The following ARHGAP30 variants were observed in gnomAD, a reference collection of about 807,000 sequenced individuals.
ARHGAP30 encodes rho GTPase-activating protein 30.
In ARHGAP30, 23 loss-of-function variants were observed where a neutral mutation model predicts 72.0. The ratio of observed to expected loss-of-function variants is 0.32; its 90% CI spans 0.23 to 0.45. The LOEUF (loss-of-function observed/expected upper bound fraction) is 0.45. Ranked by LOEUF, ARHGAP30 falls within the 20% of genes least tolerant of loss-of-function variation. The pLI, the probability that ARHGAP30 is intolerant of heterozygous loss-of-function variation, is 1.00. For synonymous variants in ARHGAP30, 576 were observed against 528.2 expected (o/e 1.09, Z -1.24); for missense variants, 1,319 against 1,383.4 (o/e 0.95, Z 0.74).
At position 161,049,606 on chromosome 1, in the gene ARHGAP30, G is replaced by T. The variant is rs753983424; in HGVS notation, c.1504C>A (p.Leu502Met). 4 of 1,614,092 alleles carry T rather than the reference G, an allele frequency of 2.5e-6. No individual in the cohort carries two copies. In the Admixed American group the frequency reaches 6.7e-5, roughly 27 times the overall value. Residue 502 changes from leucine (L) to methionine (M), a missense_variant, in exon 11 of 12, where the codon CTG becomes ATG. Leu to Met is a conservative substitution (Grantham distance 15). Transcript: ENST00000368013. ...AAGGAGTCCTGCACCTCCTGGGACA[G>T]CGAGTCCTCCAGGGCAGGAGCCAAG... ...DDLAPALEDSLSQEVQDSFSF... is the reference protein window; with the variant it reads ...DDLAPALEDSMSQEVQDSFSF...
intron 1 of ARHGAP30, among the ~76,000 whole-genome samples, chr1:161,060,741 G>T (rs1321666214): frequency 1.7e-5 from 2 of 116,766 alleles, no homozygotes; most frequent in Non-Finnish European, 1.7e-5. Context: ...TCACTCTGTT[G>T]CCCAGGCTGG....
At position 161,048,434 on chromosome 1, in the gene ARHGAP30, C is replaced by T. The variant is rs143251755; in HGVS notation, c.2587G>A (p.Glu863Lys). The change falls in exon 12 of 12, where the codon GAA becomes AAA. Residue 863 changes from glutamate (E) to lysine (K), a missense_variant. Physicochemically the swap from Glu to Lys is moderately conservative, Grantham distance 56. Transcript: ENST00000368013. ...GYYLEEDTLS[E>K]GSGVASLEVD... is the part of the protein sequence containing the mutation. The stretch of plus-strand genomic sequence containing the variant: ...TCCAGGGACGCTACACCTGAACCTT[C>T]AGAGAGGGTGTCCTCTTCTAAATAG... The T allele has an allele frequency of 4.4e-4, 703 of 1,614,158 alleles. No homozygotes were observed. Among genetic ancestry groups the T allele is most frequent in the Non-Finnish European group, 5.4e-4 (636 of 1,180,028 alleles).
chr1:161,053,022 A>G, intron 6 of ARHGAP30: 3 of 839,922 alleles, frequency 3.6e-6, no homozygotes, highest in Non-Finnish European at 5.4e-6. Context: ...GATATGAGCC[A>G]TCACTAGCCT....
intron 5 of ARHGAP30, 77 bp downstream of exon 5, chr1:161,054,289 A>G (rs957387471): frequency 1.3e-5 from 17 of 1,332,172 alleles, no homozygotes; most frequent in Non-Finnish European, 1.8e-5. Context: ...CCACACAGTC[A>G]CACCTCATCC....
chr1:161,066,682 G>A (rs4617422), intron 1 of ARHGAP30, among the ~76,000 whole-genome samples: 33,182 of 143,268 alleles, frequency 0.23, 5,765 homozygotes, highest in African/African-American at 0.49. Flanking sequence ...AGGCACCTAG[G>A]GCAATTGTAC....
intron 10 of ARHGAP30, among the ~76,000 whole-genome samples, chr1:161,050,609 T>C (rs1016223493): frequency 2.6e-5 from 4 of 151,332 alleles, no homozygotes. Flanking sequence ...GTGCCTGGCC[T>C]AGCACTTGGT....
intron 1 of ARHGAP30, among the ~76,000 whole-genome samples, chr1:161,067,291 G>A (rs780382168): frequency 3.2e-4 from 49 of 152,106 alleles, no homozygotes; most frequent in Non-Finnish European, 5.6e-4. Flanking sequence ...CTGAACAATC[G>A]GCCAGGTGCG....
At chr1:161,052,180 A>C in intron 9 of ARHGAP30, 106 bp downstream of exon 9, 1 of 1,262,884 alleles carries the variant, frequency 7.9e-7, no homozygotes, top group South Asian at 1.2e-5. Flanking sequence ...GGCACTCATT[A>C]AATATTTTTT....
At chr1:161,065,868 C>CTTATTTATTTATTTAT (rs376275626) in intron 1 of ARHGAP30, among the ~76,000 whole-genome samples, 13 of 133,250 alleles carry the variant, frequency 9.8e-5, no homozygotes, top group South Asian at 2.5e-4. Context: ...CACCCGGCCC[C>CTTATTTATTTATTTAT]TTATTTATTT....
intron 2 of ARHGAP30, 34 bp from the exon 3 acceptor site, chr1:161,056,566 G>T (rs1225161912): frequency 1.3e-6 from 2 of 1,599,294 alleles, no homozygotes; most frequent in South Asian, 2.2e-5. Flanking sequence ...GAGTGGTAGG[G>T]GTTGGGGTGA....
rs762660694 is a variant in ARHGAP30, at chr1:161,048,466, C to T, written c.2555G>A (p.Gly852Glu). 1.2e-6 allele frequency: 2 copies of T among 1,614,180 alleles called. No individual in the cohort carries two copies. The highest frequency in any genetic ancestry group is 2.2e-5 in the East Asian group (1 of 44,882). ...DGEAEGDQRA[G>E]GYYLEEDTLS... ...GGTGTCCTCTTCTAAATAGTACCCT[C>T]CAGCCCTCTGGTCTCCCTCAGCCTC... The change falls in exon 12 of 12, where the codon GGA becomes GAA. Residue 852 changes from glycine to glutamate, a missense_variant. By Grantham distance (98) the Gly-to-Glu change is moderately conservative. Around this residue, in one of 2 missense-constraint regions of ARHGAP30, gnomAD observed 1,097 missense variants for 1,045.2 expected, o/e 1.05. Transcript: ENST00000368013.
Position 161,047,594 on chromosome 1 carries a change from G to A in ARHGAP30, c.*121C>T, listed in dbSNP as rs1650945710. The A allele has an allele frequency of 9.1e-7, 1 of 1,100,810 alleles. No homozygotes were observed. Among genetic ancestry groups the A allele is most frequent in the Admixed American group, 3.0e-5 (1 of 33,376 alleles). 68.2% of individuals were successfully genotyped at this position (1,100,810 alleles called of 1,614,324 possible). A position where few individuals can be genotyped will look rare whatever the true frequency, so the allele number is the denominator to read the frequency against. On this transcript the variant is annotated 3_prime_UTR_variant, in exon 12 of 12. Transcript: ENST00000368013. ...CCCACAGTCAAAGAGAGAAGCTGGA[G>A]GGCCAAAGCCTATAGAGTTGGGCAC...
chr1:161,051,859 T>G (rs1316951021), intron 9 of ARHGAP30, 144 bp from the exon 10 acceptor site: 2 of 1,420,194 alleles, frequency 1.4e-6, no homozygotes, highest in African/African-American at 2.9e-5. Flanking sequence ...CAGCTTCTTT[T>G]GATCACTACT....
At chr1:161,065,532 CTTTTTCT>C (rs1222557127) in intron 1 of ARHGAP30, among the ~76,000 whole-genome samples, 3 of 151,848 alleles carry the variant, frequency 2.0e-5, no homozygotes, top group South Asian at 4.2e-4. Flanking sequence ...CCAATCTTTC[CTTTTTCT>C]TTTTTCTTTT....
rs555463666 is a variant in ARHGAP30, at chr1:161,059,548, T to A, written c.200+66A>T. The A allele has an allele frequency of 6.4e-6, 9 of 1,401,418 alleles. No homozygotes were observed. The African/African-American group carries it at 1.1e-4, about 18-fold the overall frequency. The allele number at this position is 1,401,418 out of a possible 1,614,324, so 86.8% of individuals were successfully genotyped here. On this transcript the variant is annotated intron_variant, in intron 2 of 11. Transcript: ENST00000368013. ...CCCCATCTCTGCTGTCCTCAGCAACTCTTACTGTGACCTTCTGGCTCCCTG... is the reference window on the plus strand; with the variant it reads ...CCCCATCTCTGCTGTCCTCAGCAACACTTACTGTGACCTTCTGGCTCCCTG...
chr1:161,057,480 A>C (rs1329472707), intron 2 of ARHGAP30, among the ~76,000 whole-genome samples: 1 of 152,204 alleles, frequency 6.6e-6, no homozygotes, highest in Non-Finnish European at 1.5e-5. Context: ...TATTACAGAA[A>C]TGCAAATATA....
In ARHGAP30 at chr1:161,052,423, C is replaced by G. The variant is rs200908550; in HGVS notation, c.940+17G>C. The G allele has an allele frequency of 1.4e-5, 23 of 1,613,926 alleles. No homozygotes were observed. In the African/African-American group the frequency reaches 2.4e-4, roughly 17 times the overall value. ...TGTGCACCCTCAGCAGAGCTCCCCC[C>G]ATCTCCCCAGACTTACCCCTGTCCT... is the stretch of plus-strand genomic sequence containing the variant. On this transcript the variant is annotated intron_variant, in intron 8 of 11. Transcript: ENST00000368013.
At chr1:161,058,896 G>C (rs180760976) in intron 2 of ARHGAP30, among the ~76,000 whole-genome samples, 156 of 150,582 alleles carry the variant, frequency 1.0e-3, no homozygotes, top group Non-Finnish European at 1.7e-3. Flanking sequence ...CCTGGAATTA[G>C]ATAGTGATGA....
chr1:161,047,197 T>A lies in ARHGAP30; in HGVS notation c.*518A>T, dbSNP rs1650905078. On this transcript the variant is annotated 3_prime_UTR_variant, in exon 12 of 12. Transcript: ENST00000368013. ...AGTCCCTCCAACAAATATTGAGGGC[T>A]TCAAAGAGCTCTTCCTGGACGTTTC... is the stretch of plus-strand genomic sequence containing the variant. The A allele has an allele frequency of 3.9e-6, 1 of 253,588 alleles. No individual in the cohort carries two copies. The highest frequency in any genetic ancestry group is 1.4e-4 in the East Asian group (1 of 7,128). 15.7% of individuals were successfully genotyped at this position (253,588 alleles called of 1,614,324 possible).
Sources: allele counts gnomAD v4.1 joint callset (sites outside exome capture counted in the v4.1 genomes callset), GRCh38; gene constraint gnomAD v4.1.1; regional missense constraint gnomAD v4.1.1; transcripts MANE v1.5; gene names NCBI Gene and HGNC (gene_info 2026-07-23, HGNC 2026-07-21).